The following SMTN variants were observed in gnomAD, a reference collection of about 807,000 sequenced individuals.
SMTN encodes smoothelin.
A neutral mutation model predicts 102.0 loss-of-function variants in SMTN; 58 were observed. The observed-to-expected ratio is 0.57, with a 90% CI of 0.46 to 0.71. SMTN has a LOEUF of 0.71. Ranked by LOEUF, SMTN falls within the 30% of genes least tolerant of loss-of-function variation. SMTN has a pLI of 0.00. For synonymous variants in SMTN, 478 were observed against 497.9 expected (o/e 0.96, Z 0.53); for missense variants, 1,185 against 1,241.7 (o/e 0.95, Z 0.69).
chr22:31,082,559 CCCTTCCA>C, intron 1 of SMTN: 1 of 509,560 alleles, frequency 2.0e-6, no homozygotes, highest in South Asian at 1.5e-5. Flanking sequence ...CTTCTGAAAG[CCCTTCCA>C]GGTGGGGAAT....
chr22:31,095,075 A>G lies in SMTN; in HGVS notation c.1633-228A>G, dbSNP rs567347474. On this transcript the variant is annotated intron_variant, in intron 11 of 20. Transcript: ENST00000333137. The surrounding 1 kb of genome is among the most constrained non-coding windows in gnomAD (Gnocchi z 4.1). ...GAAATCATCATTATTATCACTATCC[A>G]TTGTATTAATACAATTCGGGGTACG... 6.6e-6 allele frequency among the ~76,000 whole-genome samples: 1 copy of G among 152,278 alleles called. No homozygotes were observed. Among genetic ancestry groups the G allele is most frequent in the Admixed American group, 6.5e-5 (1 of 15,292 alleles).
intron 13 of SMTN, chr22:31,096,498 C>A (rs1001491111): frequency 2.2e-6 from 1 of 449,138 alleles, no homozygotes; most frequent in Non-Finnish European, 3.9e-6. Context: ...TTTAGCTACT[C>A]CGTATTCTCT....
chr22:31,097,715 GATAA>G lies in SMTN; in HGVS notation c.2159+411_2159+414del, dbSNP rs56931006. ...CGAGACTCAGTCTCAAAAATAAATA[GATAA>G]ATAAATAAATAAATAAATAAATAAA... On this transcript the variant is annotated intron_variant, in intron 16 of 20. Transcript: ENST00000333137. Among the ~76,000 whole-genome samples, 369 of 145,890 alleles carry G rather than the reference GATAA, an allele frequency of 2.5e-3. 2 individuals are homozygous for G. The highest frequency in any genetic ancestry group is 9.4e-3 in the East Asian group (46 of 4,880).
At position 31,091,425 on chromosome 22, in the gene SMTN, G is replaced by A; in HGVS notation, c.1402G>A (p.Gly468Ser). 2.6e-6 allele frequency: 4 copies of A among 1,554,242 alleles called. No individual in the cohort carries two copies. Among genetic ancestry groups the A allele is most frequent in the South Asian group, 1.2e-5 (1 of 81,456 alleles). Residue 468 changes from glycine (G) to serine (S), a missense_variant, in exon 10 of 21, where the codon GGC becomes AGC. By Grantham distance (56) the Gly-to-Ser change is moderately conservative (BLOSUM62 0). This residue lies in a region of SMTN where 1,096 missense variants were observed against 1,112.7 expected (regional missense o/e 0.98). Transcript: ENST00000333137. ...KTTFTIEIKD[G>S]RGQASTGRVL... ...CACATTCACCATCGAGATCAAGGACGGCCGTGGCCAGGCCTCCACAGGCCG... is the reference window on the plus strand; with the variant it reads ...CACATTCACCATCGAGATCAAGGACAGCCGTGGCCAGGCCTCCACAGGCCG...
intron 4 of SMTN, 21 bp downstream of exon 4, chr22:31,088,627 G>A (rs2042883076): frequency 6.2e-7 from 1 of 1,612,828 alleles, no homozygotes; most frequent in Non-Finnish European, 8.5e-7. Context: ...GGCTGGGGCA[G>A]GGGATGGGGG....
chr22:31,103,963 T>G, intron 20 of SMTN: 3 of 264,854 alleles, frequency 1.1e-5, no homozygotes, highest in East Asian at 7.5e-5. Flanking sequence ...CCAACTGGAG[T>G]GTGCCAGTGA....
rs900743195 is a variant in SMTN at position 31,082,918 on chromosome 22, A to C, written c.-80-261A>C. The C allele has an allele frequency of 9.7e-6, 15 of 1,545,430 alleles. No individual in the cohort carries two copies. In the African/African-American group the frequency reaches 1.9e-4, roughly 20 times the overall value. Reference sequence around the variant, plus strand: ...GCCCTCCCTGTTTTGAGGTTTAGACAGGATGAGAGTCCATCCCAGGCCACA... The same window carrying C: ...GCCCTCCCTGTTTTGAGGTTTAGACCGGATGAGAGTCCATCCCAGGCCACA... On this transcript the variant is annotated intron_variant, in intron 1 of 20. Coordinates refer to ENST00000333137, the MANE Select transcript of SMTN (RefSeq NM_134269.3).
intron 1 of SMTN, among the ~76,000 whole-genome samples, chr22:31,073,979 A>T (rs1436302373): frequency 6.6e-6 from 1 of 152,230 alleles, no homozygotes; most frequent in African/African-American, 2.4e-5. Flanking sequence ...GCTTGTTCAC[A>T]TAACAGCTGC....
intron 11 of SMTN, chr22:31,092,620 A>C: frequency 2.2e-6 from 1 of 454,362 alleles, no homozygotes; most frequent in Non-Finnish European, 4.7e-6. Context: ...CAGGGGAGAC[A>C]GGGAGAGAGT....
intron 1 of SMTN, among the ~76,000 whole-genome samples, chr22:31,069,812 G>T (rs2041954883): frequency 6.6e-6 from 1 of 152,200 alleles, no homozygotes; most frequent in African/African-American, 2.4e-5. Context: ...AGGAAACCTG[G>T]GTTCCAGCCC....
At chr22:31,087,918 C>A in intron 2 of SMTN, 47 bp from the exon 3 acceptor site, 1 of 1,532,774 alleles carries the variant, frequency 6.5e-7, no homozygotes. Context: ...GGTGCCAGCC[C>A]TCCGCCCCTG....
At chr22:31,094,139 C>T (rs914507762) in intron 11 of SMTN, among the ~76,000 whole-genome samples, 1 of 152,234 alleles carries the variant, frequency 6.6e-6, no homozygotes, top group Non-Finnish European at 1.5e-5. Flanking sequence ...GACCAAGCCT[C>T]CCTGAAACAG....
At chr22:31,088,399 GCCAC>G in intron 3 of SMTN, 110 bp from the exon 4 acceptor site, 30 of 942,458 alleles carry the variant, frequency 3.2e-5, no homozygotes, top group Admixed American at 2.0e-4. Context: ...GGTGTGCACA[GCCAC>G]ATGCCCTTCT....
rs188015321 is a variant in SMTN at position 31,075,263 on chromosome 22, G to T, written c.-385-5187G>T. Among the ~76,000 whole-genome samples the T allele has an allele frequency of 1.6e-4, 25 of 152,112 alleles. 1 individual carries two copies. Among genetic ancestry groups the T allele is most frequent in the East Asian group, 1.2e-3 (6 of 5,200 alleles). ...TAGCATCTGTCTCATAATGCCATGG[G>T]GAATCAATGGGAAAATACAAAGAAA... On this transcript the variant is annotated intron_variant, in intron 1 of 3. Coordinates refer to the SMTN transcript ENST00000422839.
At chr22:31,090,674 G>T in intron 8 of SMTN, 134 bp from the exon 9 acceptor site, 1 of 741,240 alleles carries the variant, frequency 1.3e-6, no homozygotes, top group East Asian at 2.5e-5. Flanking sequence ...TGGAGAGGTG[G>T]GGTGGGGGTT....
chr22:31,085,249 T>G (rs781676531), intron 2 of SMTN: 1 of 1,520,156 alleles, frequency 6.6e-7, no homozygotes, highest in South Asian at 1.2e-5. Flanking sequence ...GTAGCGGGTG[T>G]CTTCCTACCT....
At position 31,091,524 on chromosome 22, in the gene SMTN, G is replaced by A. The variant is rs180825954; in HGVS notation, c.1459+42G>A. 17 of 1,514,578 alleles carry A rather than the reference G, an allele frequency of 1.1e-5. No individual in the cohort carries two copies. The East Asian group carries it at 3.6e-4, about 32-fold the overall frequency. 93.8% of individuals were successfully genotyped at this position (1,514,578 alleles called of 1,614,324 possible). Reference sequence around the variant, plus strand: ...GCCTCCCCAATGGGGATGAGTGCCTGCAACCGCACTTCTGCATGCAGGACA... The same window carrying A: ...GCCTCCCCAATGGGGATGAGTGCCTACAACCGCACTTCTGCATGCAGGACA... On this transcript the variant is annotated intron_variant, in intron 10 of 20. Transcript: ENST00000333137.
Position 31,104,560 on chromosome 22 carries a change from C to G in SMTN, c.*265C>G. On this transcript the variant is annotated 3_prime_UTR_variant, in exon 21 of 21. Transcript: ENST00000333137. Reference sequence around the variant, plus strand: ...GTGCGTCCGCCCACCGCTGCCCTGTCTGTTGCGACACCCTCCCCCCCACAT... The same window carrying G: ...GTGCGTCCGCCCACCGCTGCCCTGTGTGTTGCGACACCCTCCCCCCCACAT... 1 of 1,271,582 alleles carries G rather than the reference C, an allele frequency of 7.9e-7. No individual in the cohort carries two copies. The highest frequency in any genetic ancestry group is 1.1e-6 in the Non-Finnish European group (1 of 892,308). 78.8% of individuals were successfully genotyped at this position (1,271,582 alleles called of 1,614,324 possible).
At chr22:31,094,755 C>T (rs972545553) in intron 11 of SMTN, among the ~76,000 whole-genome samples, 4 of 151,326 alleles carry the variant, frequency 2.6e-5, no homozygotes, top group African/African-American at 7.3e-5. Context: ...GATCATAGCT[C>T]TCTGCAGCCT....
Sources: gnomAD v4.1 joint callset for allele counts (sites outside exome capture counted in the v4.1 genomes callset) on GRCh38, gnomAD v4.1.1 for gene constraint, gnomAD v4.1.1 regional missense constraint, Gnocchi (gnomAD v3.1) non-coding constraint, MANE v1.5 for transcripts, NCBI Gene and HGNC (gene_info 2026-07-23, HGNC 2026-07-21) for gene names.